The following PHLDA1 variants were observed in gnomAD, a reference collection of about 807,000 sequenced individuals.
PHLDA1 encodes pleckstrin homology-like domain family A member 1.
In PHLDA1, 28 loss-of-function variants were observed where a neutral mutation model predicts 33.8. That is an observed-to-expected ratio of 0.83 (90% CI 0.61 to 1.14). PHLDA1 has a LOEUF of 1.14. PHLDA1 is among the 50% of genes most tolerant of loss of function. PHLDA1 has a pLI of 0.00. For synonymous variants in PHLDA1, 271 were observed against 243.6 expected, an observed-to-expected ratio of 1.11 and a Z score of -1.05; for missense variants, 595 against 548.6, an observed-to-expected ratio of 1.08 and a Z score of -0.84.
exon 2 of PHLDA1, chr12:76,029,939 G>T (rs1236866622): frequency 6.5e-6 from 1 of 153,162 alleles, no homozygotes; most frequent in Admixed American, 6.5e-5. Context: ...GCATCGTGAT[G>T]AAAAGTATGC....
At chr12:76,026,916 T>A (rs1030156932) in exon 2 of PHLDA1, 1 of 152,206 alleles carries the variant, frequency 6.6e-6, no homozygotes, top group Admixed American at 6.5e-5. Context: ...AGAGACAGCA[T>A]CTCCCAGATG....
exon 2 of PHLDA1, chr12:76,026,225 A>G (rs1460923688): frequency 6.6e-6 from 1 of 152,200 alleles, no homozygotes; most frequent in Non-Finnish European, 1.5e-5. Context: ...TTTGACACAC[A>G]CGAAAAAGAA....
chr12:76,030,912 G>A lies in PHLDA1; in HGVS notation c.830C>T (p.Thr277Met), dbSNP rs1386026504. The A allele has an allele frequency of 3.1e-6, 5 of 1,613,800 alleles. No individual in the cohort carries two copies. Among genetic ancestry groups the A allele is most frequent in the Non-Finnish European group, 4.2e-6 (5 of 1,179,940 alleles). Residue 277 changes from threonine (T) to methionine (M), a missense_variant, in exon 1 of 2, where the codon ACG (threonine) becomes ATG (methionine). Coordinates refer to ENST00000266671, the Ensembl canonical transcript of PHLDA1. ...ATTCTTGTACTGCACCATCTGCAGC[G>A]TGATCTCGGCGTTCCAGCCCTGGTC... is the stretch of plus-strand genomic sequence containing the variant.
rs747476657 is a variant in PHLDA1 at position 76,031,440 on chromosome 12, C to G, written c.302G>C (p.Arg101Pro). ...CCAGCGGCTCCCACGGCCGCCTGCCCGGAGCGCGCAGAGGAGGCTAACACG... is the reference window on the plus strand; with the variant it reads ...CCAGCGGCTCCCACGGCCGCCTGCCGGGAGCGCGCAGAGGAGGCTAACACG... Residue 101 changes from arginine (R) to proline (P), a missense_variant, in exon 1 of 2, where the codon CGG becomes CCG. Arg to Pro is a moderately radical substitution (Grantham distance 103). Transcript: ENST00000266671. The surrounding 1 kb of genome is among the most constrained non-coding windows in gnomAD (Gnocchi z 5.4). The G allele has an allele frequency of 5.2e-6, 8 of 1,541,734 alleles. No individual in the cohort carries two copies. Among genetic ancestry groups the G allele is most frequent in the Non-Finnish European group, 6.1e-6 (7 of 1,145,736 alleles).
chr12:76,026,180 G>A (rs536357921), exon 2 of PHLDA1: 3 of 152,234 alleles, frequency 2.0e-5, no homozygotes, highest in Admixed American at 1.3e-4. Context: ...TTACTCTGCC[G>A]AGGACATTTT....
exon 2 of PHLDA1, chr12:76,027,132 C>T (rs78038975): frequency 2.2e-4 from 33 of 152,246 alleles, no homozygotes; most frequent in African/African-American, 7.7e-4. Context: ...TTGAAAAATG[C>T]ATTTTTTACC....
chr12:76,030,521 C>G, exon 1 of PHLDA1: 1 of 1,610,988 alleles, frequency 6.2e-7, no homozygotes, highest in South Asian at 1.1e-5. Flanking sequence ...TTGTCTTGCC[C>G]GGGAGCTGCC....
In PHLDA1 at chr12:76,031,204, G is replaced by A. The variant is rs748941233; in HGVS notation, c.538C>T (p.Leu180=). Residue 180 remains leucine (L), a synonymous_variant, in exon 1 of 2, where the codon CTG becomes TTG. Coordinates refer to ENST00000266671, the Ensembl canonical transcript of PHLDA1. This position sits in a 1 kb window ranked among gnomAD's most constrained non-coding sequence, Gnocchi z 5.4. Reference sequence around the variant, plus strand: ...TGCAGCTGCTTGGGCGGGATAAGCAGCAGCCCTTCCTCGGTGAGGATGCAA... The same window carrying A: ...TGCAGCTGCTTGGGCGGGATAAGCAACAGCCCTTCCTCGGTGAGGATGCAA... 4 of 1,613,380 alleles carry A rather than the reference G, an allele frequency of 2.5e-6. No individual in the cohort carries two copies. The highest frequency in any genetic ancestry group is 3.3e-5 in the Admixed American group (2 of 59,948).
chr12:76,025,663 A>C (rs1465574849), exon 2 of PHLDA1: 3 of 152,198 alleles, frequency 2.0e-5, no homozygotes, highest in Non-Finnish European at 1.5e-5. Flanking sequence ...GTTAAGAAGA[A>C]GGCTGACCTC....
exon 2 of PHLDA1, chr12:76,027,166 AG>A (rs1870791462): frequency 6.6e-6 from 1 of 152,178 alleles, no homozygotes; most frequent in African/African-American, 2.4e-5. Flanking sequence ...CTGATTTGTC[AG>A]GCTTCAAAAT....
exon 2 of PHLDA1, chr12:76,028,419 T>C (rs531439419): frequency 4.5e-4 from 68 of 152,340 alleles, no homozygotes; most frequent in African/African-American, 1.6e-3. Flanking sequence ...CTGCAACTTT[T>C]TGGATATGAG....
chr12:76,028,677 A>C (rs1357291793), exon 2 of PHLDA1: 2 of 152,670 alleles, frequency 1.3e-5, no homozygotes, highest in East Asian at 3.8e-4. Context: ...GCAAATAGGA[A>C]GTGATTTTCA....
In PHLDA1 at chr12:76,031,372, C is replaced by T. The variant is rs1188598274; in HGVS notation, c.370G>A (p.Ala124Thr). 2 of 1,608,650 alleles carry T rather than the reference C, an allele frequency of 1.2e-6. No homozygotes were observed. Among genetic ancestry groups the T allele is most frequent in the East Asian group, 2.2e-5 (1 of 44,720 alleles). ...GGCTCGGCCTCTCCGTTTCCAGCCG[C>T]GCGGGCCGGGGGCAGCAGCAGCAGC... The change falls in exon 1 of 2, where the codon GCG (alanine) becomes ACG (threonine). Residue 124 changes from alanine to threonine, a missense_variant. Around this residue, in one of 3 missense-constraint regions of PHLDA1, gnomAD observed 263 missense variants for 232.3 expected, o/e 1.13. Coordinates refer to ENST00000266671, the Ensembl canonical transcript of PHLDA1. This position sits in a 1 kb window ranked among gnomAD's most constrained non-coding sequence, Gnocchi z 5.4.
Position 76,031,076 on chromosome 12 carries a change from G to T in PHLDA1, c.666C>A (p.Ser222Arg), listed in dbSNP as rs1870893036. 1.9e-6 allele frequency: 3 copies of T among 1,609,952 alleles called. No individual in the cohort carries two copies. Among genetic ancestry groups the T allele is most frequent in the Non-Finnish European group, 2.5e-6 (3 of 1,179,918 alleles). ...CCTTGAGCTTGACCGGCGGCTCGAG[G>T]CTGGCGACAGCGGGGCCACTGGGTT... The change falls in exon 1 of 2, where the codon AGC (serine) becomes AGA (arginine). Residue 222 changes from serine to arginine, a missense_variant. Physicochemically the swap from Ser to Arg is moderately radical, Grantham distance 110. Coordinates refer to ENST00000266671, the Ensembl canonical transcript of PHLDA1. The surrounding 1 kb of genome is among the most constrained non-coding windows in gnomAD (Gnocchi z 5.4).
At chr12:76,030,710 C>A (rs1438022620) in exon 1 of PHLDA1, 5 of 1,172,518 alleles carry the variant, frequency 4.3e-6, no homozygotes, top group Non-Finnish European at 6.2e-6. Flanking sequence ...GCTGCTGGGG[C>A]TGAGGCTTGG....
In PHLDA1 at chr12:76,031,659, A is replaced by T. The variant is rs1003915241; in HGVS notation, c.83T>A (p.Leu28Gln). Residue 28 changes from leucine to glutamine, a missense_variant, in exon 1 of 2, where the codon CTG becomes CAG. Around this residue, in one of 3 missense-constraint regions of PHLDA1, gnomAD observed 263 missense variants for 232.3 expected, o/e 1.13. Transcript: ENST00000266671. The surrounding 1 kb of genome is among the most constrained non-coding windows in gnomAD (Gnocchi z 5.4). Reference sequence around the variant, plus strand: ...TCTTCCCCACCCCCGAGTGACACCCAGCGGAAAAGGCGGCTCCTGGCGCCC... The same window carrying T: ...TCTTCCCCACCCCCGAGTGACACCCTGCGGAAAAGGCGGCTCCTGGCGCCC... 2.6e-6 allele frequency: 4 copies of T among 1,517,532 alleles called. No individual in the cohort carries two copies. The highest frequency in any genetic ancestry group is 2.9e-5 in the African/African-American group (2 of 68,634). 94.0% of individuals were successfully genotyped at this position (1,517,532 alleles called of 1,614,324 possible). A position where few individuals can be genotyped will look rare whatever the true frequency, so the allele number is the denominator to read the frequency against.
exon 2 of PHLDA1, chr12:76,026,735 A>G (rs948495663): frequency 1.3e-5 from 2 of 152,242 alleles, no homozygotes; most frequent in Admixed American, 1.3e-4. Flanking sequence ...GGCCCCTTAT[A>G]GACATTTGCT....
chr12:76,028,895 T>C (rs1870830954), exon 2 of PHLDA1: 1 of 152,642 alleles, frequency 6.6e-6, no homozygotes, highest in South Asian at 2.1e-4. Context: ...ATCCTGTGTT[T>C]ATCCAGTCTT....
At chr12:76,027,093 C>G (rs1433608205) in exon 2 of PHLDA1, 1 of 152,104 alleles carries the variant, frequency 6.6e-6, no homozygotes, top group East Asian at 1.9e-4. Context: ...ATTTAAGGAG[C>G]GGGTCTTCTA....
Sources: gnomAD v4.1 joint callset for allele counts on GRCh38, gnomAD v4.1.1 for gene constraint, gnomAD v4.1.1 regional missense constraint, Gnocchi (gnomAD v3.1) non-coding constraint, MANE v1.5 for transcripts, NCBI Gene and HGNC (gene_info 2026-07-23, HGNC 2026-07-21) for gene names.